The following MAPKAPK5 variants were observed in gnomAD, a reference collection of about 807,000 sequenced individuals.
The protein encoded by MAPKAPK5 is MAPK activated protein kinase 5, also known as MAP kinase-activated protein kinase 5.
Under a neutral mutation model 65.1 loss-of-function variants are expected in MAPKAPK5, and 30 were observed. That is an observed-to-expected ratio of 0.46 (90% CI 0.34 to 0.63). The LOEUF (loss-of-function observed/expected upper bound fraction) is 0.63. MAPKAPK5 is among the 20% of genes least tolerant of loss of function. MAPKAPK5 has a pLI of 0.01. For synonymous variants in MAPKAPK5, 179 were observed against 204.6 expected, an observed-to-expected ratio of 0.87 and a Z score of 1.07; for missense variants, 433 against 581.4, an observed-to-expected ratio of 0.74 and a Z score of 2.63.
At chr12:111,874,508 G>A (rs945707718) in intron 7 of MAPKAPK5, among the ~76,000 whole-genome samples, 2 of 95,844 alleles carry the variant, frequency 2.1e-5, no homozygotes, top group African/African-American at 8.4e-5. Flanking sequence ...TGCACTCTTT[G>A]TTGCCCAGGC....
chr12:111,867,784 C>A lies in MAPKAPK5; in HGVS notation c.284+115C>A. On this transcript the variant is annotated intron_variant, in intron 4 of 13. Coordinates refer to ENST00000550735, the MANE Select transcript of MAPKAPK5 (RefSeq NM_003668.4). ...CCTCTCCTTCTTCCTCCTACCCTCG[C>A]TTCCTCTGCCCTTCCTTCTCCCCCT... The A allele has an allele frequency of 6.6e-6, 5 of 755,436 alleles. No homozygotes were observed. The South Asian group carries it at 8.4e-5, about 13-fold the overall frequency. 46.8% of individuals were successfully genotyped at this position (755,436 alleles called of 1,614,324 possible).
chr12:111,855,908 T>G (rs1023233185), intron 1 of MAPKAPK5, among the ~76,000 whole-genome samples: 9 of 148,232 alleles, frequency 6.1e-5, no homozygotes, highest in African/African-American at 2.0e-4. Flanking sequence ...CAGGCTGGAG[T>G]GCAATGGCGT....
chr12:111,868,857 A>G lies in MAPKAPK5; in HGVS notation c.389A>G (p.Lys130Arg). The change falls in exon 5 of 14, where the codon AAG (lysine) becomes AGG (arginine). Residue 130 changes from lysine (K) to arginine (R), a missense_variant. Lys to Arg is a conservative substitution (Grantham distance 26). This residue lies in a region of MAPKAPK5 where 165 missense variants were observed against 180.0 expected (regional missense o/e 0.92). Coordinates refer to ENST00000550735, the MANE Select transcript of MAPKAPK5 (RefSeq NM_003668.4). ...FTEKQASQVT[K>R]QIALALRHCH... ...GAGAAGCAAGCCAGCCAAGTAACAA[A>G]GCAGGCAAGTTAACCCCAGGTACCA... 6.4e-7 allele frequency: 1 copy of G among 1,557,344 alleles called. No individual in the cohort carries two copies. The highest frequency in any genetic ancestry group is 1.2e-5 in the South Asian group (1 of 84,236).
At chr12:111,892,857 T>C in intron 13 of MAPKAPK5, 110 bp from the exon 14 acceptor site, 2 of 653,322 alleles carry the variant, frequency 3.1e-6, no homozygotes, top group Admixed American at 6.0e-5. Flanking sequence ...GTTCCCCCAC[T>C]GGTGAGGGTG....
At chr12:111,868,913 C>A in intron 5 of MAPKAPK5, 52 bp downstream of exon 5, 1 of 1,354,676 alleles carries the variant, frequency 7.4e-7, no homozygotes, top group South Asian at 1.3e-5. Flanking sequence ...GGTTAACAAG[C>A]ACAATTTCAT....
rs1187239486 is a variant in MAPKAPK5 at position 111,900,726 on chromosome 12, T to C, written c.*7665T>C. On this transcript the variant is annotated 3_prime_UTR_variant, in exon 14 of 14. Coordinates refer to ENST00000550735, the MANE Select transcript of MAPKAPK5 (RefSeq NM_003668.4). The stretch of plus-strand genomic sequence containing the variant: ...TAAGTGTAAATTTCACCGTAAGGGA[T>C]ATCCTTGCTGTCCTTCTAGTCGTTC... 2 of 456,000 alleles carry C rather than the reference T, an allele frequency of 4.4e-6. No individual in the cohort carries two copies. Among genetic ancestry groups the C allele is most frequent in the African/African-American group, 2.0e-5 (1 of 50,086 alleles). 28.2% of individuals were successfully genotyped at this position (456,000 alleles called of 1,614,324 possible). A position where few individuals can be genotyped will look rare whatever the true frequency, so the allele number is the denominator to read the frequency against.
chr12:111,887,985 C>G (rs2070467806), intron 10 of MAPKAPK5: 1 of 159,778 alleles, frequency 6.3e-6, no homozygotes, highest in Admixed American at 5.9e-5. Context: ...GCACAAACTT[C>G]CAGAGTTCCA....
At chr12:111,864,411 A>G (rs550587547) in intron 1 of MAPKAPK5, among the ~76,000 whole-genome samples, 55 of 152,282 alleles carry the variant, frequency 3.6e-4, no homozygotes, top group Non-Finnish European at 5.9e-4. Context: ...CATGTTGGCC[A>G]GGATGGTCTT....
chr12:111,890,971 A>G (rs968242666), intron 13 of MAPKAPK5, among the ~76,000 whole-genome samples: 1 of 151,668 alleles, frequency 6.6e-6, no homozygotes, highest in African/African-American at 2.4e-5. Flanking sequence ...AACTGATTTT[A>G]ATATTGTCTT....
At chr12:111,882,868 C>G (rs866095430) in intron 8 of MAPKAPK5, 2 of 984,672 alleles carry the variant, frequency 2.0e-6, no homozygotes, top group South Asian at 9.4e-5. Context: ...GCCTACCTGT[C>G]TCTTAGTTGC....
Position 111,870,259 on chromosome 12 carries a change from G to C in MAPKAPK5, c.394-12G>C, listed in dbSNP as rs1566250314. On this transcript the variant is annotated splice_polypyrimidine_tract_variant and intron_variant, in intron 5 of 13. Transcript: ENST00000550735. ...TTCTAAGAAGCGACTGTTTCATTGT[G>C]TCTTTTTTCAGATAGCTTTGGCTCT... 1.9e-6 allele frequency: 3 copies of C among 1,583,480 alleles called. No individual in the cohort carries two copies. Among genetic ancestry groups the C allele is most frequent in the Non-Finnish European group, 2.6e-6 (3 of 1,155,628 alleles).
chr12:111,874,592 C>T (rs1435091903), intron 7 of MAPKAPK5, among the ~76,000 whole-genome samples: 1 of 148,690 alleles, frequency 6.7e-6, no homozygotes, highest in East Asian at 2.0e-4. Context: ...CTGTCTCAGC[C>T]TCTGGGATGA....
At position 111,900,231 on chromosome 12, in the gene MAPKAPK5, A is replaced by G. The variant is rs777374328; in HGVS notation, c.*7170A>G. On this transcript the variant is annotated 3_prime_UTR_variant, in exon 14 of 14. Coordinates refer to ENST00000550735, the MANE Select transcript of MAPKAPK5 (RefSeq NM_003668.4). ...TGCAAAACACGATGTTGCCCACATG[A>G]TCGTTGGGCATCACCCTGGACAGAA... The G allele has an allele frequency of 8.8e-6, 4 of 455,792 alleles. No individual in the cohort carries two copies. The highest frequency in any genetic ancestry group is 6.2e-5 in the South Asian group (4 of 64,548). The allele number at this position is 455,792 out of a possible 1,614,324, so 28.2% of individuals were successfully genotyped here. A position where few individuals can be genotyped will look rare whatever the true frequency, so the allele number is the denominator to read the frequency against.
At chr12:111,864,056 G>A (rs2069526274) in intron 1 of MAPKAPK5, among the ~76,000 whole-genome samples, 1 of 152,012 alleles carries the variant, frequency 6.6e-6, no homozygotes, top group African/African-American at 2.4e-5. Context: ...ATTGCTTGAA[G>A]TCAGGAGTTT....
At chr12:111,859,428 G>A (rs1392544190) in intron 1 of MAPKAPK5, among the ~76,000 whole-genome samples, 3 of 150,628 alleles carry the variant, frequency 2.0e-5, no homozygotes, top group Non-Finnish European at 4.4e-5. Context: ...ACAGGCACCC[G>A]CCACCACGCC....
chr12:111,872,851 A>G (rs1340621323), intron 7 of MAPKAPK5, among the ~76,000 whole-genome samples: 2 of 152,162 alleles, frequency 1.3e-5, no homozygotes, highest in Admixed American at 6.5e-5. Context: ...CCTTACCTAG[A>G]TAACTCCCCA....
At chr12:111,848,858 T>C (rs2068983223) in intron 1 of MAPKAPK5, among the ~76,000 whole-genome samples, 1 of 151,984 alleles carries the variant, frequency 6.6e-6, no homozygotes, top group African/African-American at 2.4e-5. Context: ...GCCTCCTAAG[T>C]AGCTGGGATT....
At position 111,895,700 on chromosome 12, in the gene MAPKAPK5, T is replaced by A. The variant is rs1018064497; in HGVS notation, c.*2639T>A. The A allele has an allele frequency of 6.6e-6, 1 of 151,610 alleles. No homozygotes were observed. Among genetic ancestry groups the A allele is most frequent in the Non-Finnish European group, 1.5e-5 (1 of 67,962 alleles). 9.4% of individuals were successfully genotyped at this position (151,610 alleles called of 1,614,324 possible). A position where few individuals can be genotyped will look rare whatever the true frequency, so the allele number is the denominator to read the frequency against. ...CACACACCACCACGCCCAGCTAATT[T>A]TTGTGTTTTTAGTAGAGACGGGGTT... On this transcript the variant is annotated 3_prime_UTR_variant, in exon 14 of 14. Transcript: ENST00000550735.
At chr12:111,864,658 A>T (rs2069545668) in intron 1 of MAPKAPK5, among the ~76,000 whole-genome samples, 1 of 152,250 alleles carries the variant, frequency 6.6e-6, no homozygotes, top group Admixed American at 6.5e-5. Flanking sequence ...GTTGAAAGTT[A>T]TTTATATCAG....
Sources: allele counts gnomAD v4.1 joint callset (sites outside exome capture counted in the v4.1 genomes callset), GRCh38; gene constraint gnomAD v4.1.1; regional missense constraint gnomAD v4.1.1; transcripts MANE v1.5; gene names NCBI Gene and HGNC (gene_info 2026-07-23, HGNC 2026-07-21).